PDE4D: variants seen among roughly 807,000 people sequenced by gnomAD.
The protein encoded by PDE4D is phosphodiesterase 4D.
A neutral mutation model predicts 87.4 loss-of-function variants in PDE4D; 24 were observed. The ratio of observed to expected loss-of-function variants is 0.27; its 90% CI spans 0.20 to 0.39. PDE4D has a LOEUF of 0.39. Ranked by LOEUF, PDE4D falls within the 10% of genes least tolerant of loss-of-function variation. The pLI is 1.00. For synonymous variants in PDE4D, 384 were observed against 383.2 expected (o/e 1.00, Z -0.02); for missense variants, 714 against 1,041.0 (o/e 0.69, Z 4.32).
intron 5 of PDE4D, among the ~76,000 whole-genome samples, chr5:59,143,947 A>G (rs917975565): frequency 2.6e-5 from 4 of 152,204 alleles, no homozygotes; most frequent in Non-Finnish European, 4.4e-5. Context: ...ACGATGTGCA[A>G]TTGAAGCTGG....
chr5:59,437,334 C>T (rs1050997711), intron 1 of PDE4D, among the ~76,000 whole-genome samples: 6 of 152,164 alleles, frequency 3.9e-5, no homozygotes, highest in African/African-American at 1.4e-4. Flanking sequence ...TACTACTTCC[C>T]ACACTTTCAT....
chr5:60,225,040 C>T (rs1052657675), intron 1 of PDE4D, among the ~76,000 whole-genome samples: 34 of 151,986 alleles, frequency 2.2e-4, no homozygotes, highest in African/African-American at 7.7e-4. Flanking sequence ...CCAGGTACCA[C>T]CTGGGAAGCA....
At chr5:59,871,330 C>T (rs909414245) in intron 1 of PDE4D, among the ~76,000 whole-genome samples, 1 of 152,094 alleles carries the variant, frequency 6.6e-6, no homozygotes, top group African/African-American at 2.4e-5. Context: ...CTGCCAACAG[C>T]CACCTGATAT....
intron 1 of PDE4D, among the ~76,000 whole-genome samples, chr5:59,344,434 A>T (rs1347493707): frequency 6.6e-6 from 1 of 152,058 alleles, no homozygotes; most frequent in African/African-American, 2.4e-5. Flanking sequence ...ATGAGGTCTC[A>T]CTCTGTTGCC....
chr5:59,090,553 G>T (rs1477188747), intron 5 of PDE4D, among the ~76,000 whole-genome samples: 1 of 152,024 alleles, frequency 6.6e-6, no homozygotes, highest in African/African-American at 2.4e-5. Context: ...AGACATACTG[G>T]CATGAGAAAC....
chr5:60,097,013 A>G (rs1414410503), intron 2 of PDE4D, among the ~76,000 whole-genome samples: 1 of 152,000 alleles, frequency 6.6e-6, no homozygotes, highest in Non-Finnish European at 1.5e-5. Context: ...TCTTGGATGG[A>G]CATTGTGCTT....
At chr5:60,168,094 A>C (rs1236497746) in intron 2 of PDE4D, among the ~76,000 whole-genome samples, 1 of 152,198 alleles carries the variant, frequency 6.6e-6, no homozygotes, top group African/African-American at 2.4e-5. Context: ...CTACCTGTGC[A>C]ATCAGGTACA....
chr5:60,106,550 T>C (rs945839593), intron 2 of PDE4D, among the ~76,000 whole-genome samples: 1 of 151,930 alleles, frequency 6.6e-6, no homozygotes, highest in Non-Finnish European at 1.5e-5. Flanking sequence ...ATCAACAGAA[T>C]ATACATTTTT....
At chr5:59,793,806 T>A (rs1766103851) in intron 1 of PDE4D, among the ~76,000 whole-genome samples, 1 of 152,188 alleles carries the variant, frequency 6.6e-6, no homozygotes, top group African/African-American at 2.4e-5. Flanking sequence ...AATGTAAGAA[T>A]TTTTTCCCCT....
At chr5:60,460,276 A>G in intron 1 of PDE4D, 1 of 1,055,024 alleles carries the variant, frequency 9.5e-7, no homozygotes, top group Non-Finnish European at 1.5e-6. Flanking sequence ...ATTCAGATGA[A>G]ATTCTTTGGA....
chr5:60,029,607 T>A (rs1341108777), intron 2 of PDE4D, among the ~76,000 whole-genome samples: 1 of 152,208 alleles, frequency 6.6e-6, no homozygotes, highest in African/African-American at 2.4e-5. Flanking sequence ...GGGGTGCACA[T>A]CCTCAATGCC....
chr5:59,073,383 G>C (rs1183676898), intron 5 of PDE4D, among the ~76,000 whole-genome samples: 2 of 151,800 alleles, frequency 1.3e-5, no homozygotes, highest in South Asian at 4.2e-4. Flanking sequence ...CTGCAAAGGT[G>C]ACAAAGTGCA....
At chr5:60,361,614 T>C (rs569782351) in intron 1 of PDE4D, among the ~76,000 whole-genome samples, 8 of 152,334 alleles carry the variant, frequency 5.3e-5, no homozygotes, top group African/African-American at 1.9e-4. Context: ...TTCTGTTCAA[T>C]GAGTTTTGAG....
At position 59,358,280 on chromosome 5, in the gene PDE4D, T is replaced by C. The variant is rs375720190; in HGVS notation, c.456-142312A>G. 2.3e-4 allele frequency among the ~76,000 whole-genome samples: 35 copies of C among 152,288 alleles called. No individual in the cohort carries two copies. In the South Asian group the frequency reaches 5.4e-3, roughly 23 times the overall value. Reference sequence around the variant, plus strand: ...TCAAAGAAAGTGGGTGAGTGAGAACTGCCCTGAACAGCAGCAACCTTGGAG... The same window carrying C: ...TCAAAGAAAGTGGGTGAGTGAGAACCGCCCTGAACAGCAGCAACCTTGGAG... On this transcript the variant is annotated intron_variant, in intron 1 of 14. Coordinates refer to ENST00000340635, the MANE Select transcript of PDE4D (RefSeq NM_001104631.2).
intron 2 of PDE4D, among the ~76,000 whole-genome samples, chr5:60,184,037 T>C (rs1304753498): frequency 6.6e-6 from 1 of 152,196 alleles, no homozygotes; most frequent in Non-Finnish European, 1.5e-5. Flanking sequence ...CAGGTTCTCT[T>C]AATCTGGAAA....
chr5:60,114,104 T>TTGA (rs1394603070), intron 2 of PDE4D, among the ~76,000 whole-genome samples: 1 of 152,164 alleles, frequency 6.6e-6, no homozygotes, highest in African/African-American at 2.4e-5. Flanking sequence ...GATAATAAAG[T>TTGA]TGATGCTCCA....
intron 1 of PDE4D, chr5:59,217,421 A>G (rs1341184781): frequency 2.7e-6 from 1 of 364,906 alleles, no homozygotes; most frequent in Non-Finnish European, 5.3e-6. Context: ...TAAGATTGGA[A>G]GATGTTTCAT....
chr5:60,427,339 A>C (rs1743811887), intron 1 of PDE4D, among the ~76,000 whole-genome samples: 2 of 152,236 alleles, frequency 1.3e-5, no homozygotes, highest in South Asian at 4.1e-4. Context: ...CAGTTGAACA[A>C]GGATAAGAAT....
intron 1 of PDE4D, among the ~76,000 whole-genome samples, chr5:59,384,115 A>AG (rs1410556835): frequency 6.6e-6 from 1 of 151,986 alleles, no homozygotes; most frequent in African/African-American, 2.4e-5. Flanking sequence ...CAAGTTACCC[A>AG]GGCTGGTCAT....
Sources: allele counts gnomAD v4.1 joint callset (sites outside exome capture counted in the v4.1 genomes callset), GRCh38; gene constraint gnomAD v4.1.1; transcripts MANE v1.5; gene names NCBI Gene and HGNC (gene_info 2026-07-23, HGNC 2026-07-21).